Variants in CACNG5 observed in about 807,000 individuals in gnomAD.
The protein encoded by CACNG5 is calcium voltage-gated channel auxiliary subunit gamma 5, also known as voltage-dependent calcium channel gamma-5 subunit.
In CACNG5, 18 loss-of-function variants were observed where a neutral mutation model predicts 24.8. That is an observed-to-expected ratio of 0.73 (90% CI 0.50 to 1.08). The LOEUF (loss-of-function observed/expected upper bound fraction) is 1.08. Among genes scored for constraint, CACNG5 ranks in the 50% least tolerant of loss-of-function variants. The probability of loss-of-function intolerance (pLI) is 0.00; values close to 1 mark genes in which losing one functional copy is unlikely to be tolerated. For synonymous variants in CACNG5, 157 were observed against 149.1 expected (o/e 1.05, Z -0.39); for missense variants, 349 against 367.9 (o/e 0.95, Z 0.42).
chr17:66,862,573 T>A (rs889728457), intron 1 of CACNG5, among the ~76,000 whole-genome samples: 1 of 152,172 alleles, frequency 6.6e-6, no homozygotes, highest in Admixed American at 6.5e-5. Flanking sequence ...ACTTCCCACA[T>A]TGAGCATATG....
rs201122672 is a variant in CACNG5, at chr17:66,853,134, G to T, written c.-104+17884G>T. On this transcript the variant is annotated intron_variant, in intron 1 of 5. Coordinates refer to ENST00000533854, the MANE Select transcript of CACNG5 (RefSeq NM_145811.3). ...GAGCAACCATGCCCAGCTGTGTCTG[G>T]ACTCTCATTTGGCCTAATGCTTTCA... is the stretch of plus-strand genomic sequence containing the variant. Among the ~76,000 whole-genome samples, 6 of 152,116 alleles carry T rather than the reference G, an allele frequency of 3.9e-5. No individual in the cohort carries two copies. In the East Asian group the frequency reaches 1.2e-3, roughly 29 times the overall value.
In CACNG5 at chr17:66,884,614, T is replaced by C; in HGVS notation, c.523T>C (p.Tyr175His). ...KDAETYFNYK[Y>H]GWSFAFAAIS... Reference sequence around the variant, plus strand: ...TGCAGAGACCTACTTCAACTACAAGTATGGGTGGTCGTTTGCCTTCGCCGC... The same window carrying C: ...TGCAGAGACCTACTTCAACTACAAGCATGGGTGGTCGTTTGCCTTCGCCGC... The change falls in exon 5 of 6, where the codon TAT becomes CAT. Residue 175 changes from tyrosine (Y) to histidine (H), a missense_variant. Tyr to His is a moderately conservative substitution (Grantham distance 83, BLOSUM62 2). Transcript: ENST00000533854. 1 of 1,614,072 alleles carries C rather than the reference T, an allele frequency of 6.2e-7. No homozygotes were observed. The highest frequency in any genetic ancestry group is 8.5e-7 in the Non-Finnish European group (1 of 1,179,994).
rs1461744447 is a variant in CACNG5, at chr17:66,893,653, C to CCATTT, written c.*8414_*8418dup. Among the ~76,000 whole-genome samples the CCATTT allele has an allele frequency of 6.6e-6, 1 of 152,206 alleles. No homozygotes were observed. Among genetic ancestry groups the CCATTT allele is most frequent in the Non-Finnish European group, 1.5e-5 (1 of 68,040 alleles). On this transcript the variant is annotated 3_prime_UTR_variant, in exon 6 of 6. Transcript: ENST00000533854. ...CATGTCAGACTCTGGCCTCCAGATT[C>CCATTT]CATTTTCCTGGCTGACTCCCAGGGC...
chr17:66,844,696 C>G (rs201252009), intron 1 of CACNG5, among the ~76,000 whole-genome samples: 1 of 150,878 alleles, frequency 6.6e-6, no homozygotes, highest in Non-Finnish European at 1.5e-5. Flanking sequence ...ATGATGATGA[C>G]AAGTTCCTAC....
chr17:66,880,737 T>C, intron 4 of CACNG5, 40 bp downstream of exon 4: 1 of 1,598,338 alleles, frequency 6.3e-7, no homozygotes, highest in Non-Finnish European at 8.5e-7. Context: ...CCTGGAATTT[T>C]TTGTTTTTTG....
rs1301354139 is a variant in CACNG5, at chr17:66,889,534, A to G, written c.*4294A>G. Reference sequence around the variant, plus strand: ...AAAACAGAATCAACAGGATGAATATATAGAGAGAGAAAGATTTATTTTAAG... The same window carrying G: ...AAAACAGAATCAACAGGATGAATATGTAGAGAGAGAAAGATTTATTTTAAG... On this transcript the variant is annotated 3_prime_UTR_variant, in exon 6 of 6. Transcript: ENST00000533854. 2.0e-5 allele frequency among the ~76,000 whole-genome samples: 3 copies of G among 152,202 alleles called. No individual in the cohort carries two copies. In the East Asian group the frequency reaches 5.8e-4, roughly 29 times the overall value.
chr17:66,888,132 C>T lies in CACNG5; in HGVS notation c.*2892C>T, dbSNP rs1035901274. On this transcript the variant is annotated 3_prime_UTR_variant, in exon 6 of 6. Coordinates refer to ENST00000533854, the MANE Select transcript of CACNG5 (RefSeq NM_145811.3). ...ATAACTTGGGGTAATCAGCCATTAA[C>T]AGAGAACAATCTGACATTGGTTCCC... Among the ~76,000 whole-genome samples, 1 of 150,010 alleles carries T rather than the reference C, an allele frequency of 6.7e-6. No homozygotes were observed. The highest frequency in any genetic ancestry group is 2.5e-5 in the African/African-American group (1 of 40,734).
intron 4 of CACNG5, among the ~76,000 whole-genome samples, chr17:66,884,107 A>C (rs1208226569): frequency 1.3e-5 from 2 of 150,664 alleles, no homozygotes; most frequent in Non-Finnish European, 3.0e-5. Flanking sequence ...CCTCCAGCCT[A>C]GGCGACAAGA....
At chr17:66,882,154 A>G (rs28587238) in intron 4 of CACNG5, among the ~76,000 whole-genome samples, 7,251 of 152,148 alleles carry the variant, frequency 0.048, 582 homozygotes, top group African/African-American at 0.17. Flanking sequence ...GAGAGAAATG[A>G]GAGGGTTCAA....
At chr17:66,851,421 A>G (rs1283519089) in intron 1 of CACNG5, among the ~76,000 whole-genome samples, 1 of 152,248 alleles carries the variant, frequency 6.6e-6, no homozygotes, top group East Asian at 1.9e-4. Flanking sequence ...AATAAAAATT[A>G]CAGACCACAT....
intron 1 of CACNG5, among the ~76,000 whole-genome samples, chr17:66,837,871 T>C (rs1976502506): frequency 6.6e-6 from 1 of 151,022 alleles, no homozygotes; most frequent in African/African-American, 2.4e-5. Flanking sequence ...AGGAGAGGCT[T>C]GGGGCGAGGG....
chr17:66,865,633 CT>C (rs10707080), intron 1 of CACNG5, among the ~76,000 whole-genome samples: 77,633 of 137,330 alleles, frequency 0.57, 21,168 homozygotes, highest in East Asian at 0.78. Context: ...GACAAAATTT[CT>C]TTTTTTTTTT....
In CACNG5 at chr17:66,885,190, G is replaced by T; in HGVS notation, c.778G>T (p.Ala260Ser). The change falls in exon 6 of 6, where the codon GCC becomes TCC. Residue 260 changes from alanine to serine, a missense_variant. Transcript: ENST00000533854. ...CCTGCAGATGAACAGCAACTACCCC[G>T]CCTTGCTCAAGTGCCCCGACTATGA... ...ASLQMNSNYP[A>S]LLKCPDYDQM... is the part of the protein sequence containing the mutation. 2 of 1,608,154 alleles carry T rather than the reference G, an allele frequency of 1.2e-6. No individual in the cohort carries two copies. Among genetic ancestry groups the T allele is most frequent in the East Asian group, 2.2e-5 (1 of 44,852 alleles).
At chr17:66,852,323 G>T (rs552480375) in intron 1 of CACNG5, among the ~76,000 whole-genome samples, 1 of 152,202 alleles carries the variant, frequency 6.6e-6, no homozygotes, top group African/African-American at 2.4e-5. Flanking sequence ...GCTTGCAGGC[G>T]GCCTGTTGTG....
intron 1 of CACNG5, among the ~76,000 whole-genome samples, chr17:66,837,165 T>A (rs1387963730): frequency 6.6e-6 from 1 of 152,156 alleles, no homozygotes; most frequent in Non-Finnish European, 1.5e-5. Flanking sequence ...TCTGGGCTGG[T>A]GTTGTGGCCT....
At position 66,889,217 on chromosome 17, in the gene CACNG5, TC is replaced by T. The variant is rs373786564; in HGVS notation, c.*3980del. Among the ~76,000 whole-genome samples, 393 of 152,330 alleles carry T rather than the reference TC, an allele frequency of 2.6e-3. 2 individuals are homozygous for T. Among genetic ancestry groups the T allele is most frequent in the African/African-American group, 9.1e-3 (378 of 41,584 alleles). On this transcript the variant is annotated 3_prime_UTR_variant, in exon 6 of 6. Coordinates refer to ENST00000533854, the MANE Select transcript of CACNG5 (RefSeq NM_145811.3). ...CTCAAGTGATCCACCTGCCTTGGCCTCCCAAAGTGCTGGGATTACAGGCATG... is the reference window on the plus strand; with the variant it reads ...CTCAAGTGATCCACCTGCCTTGGCCTCCAAAGTGCTGGGATTACAGGCATG...
At position 66,850,597 on chromosome 17, in the gene CACNG5, C is replaced by CAT. The variant is rs570695903; in HGVS notation, c.-104+15349_-104+15350dup. ...ACATATATATATACATACACAAATA[C>CAT]ATACACACACACACACACACACACA... is the stretch of plus-strand genomic sequence containing the variant. On this transcript the variant is annotated intron_variant, in intron 1 of 5. Transcript: ENST00000533854. Among the ~76,000 whole-genome samples, 924 of 140,900 alleles carry CAT rather than the reference C, an allele frequency of 6.6e-3. 5 individuals are homozygous for CAT. Among genetic ancestry groups the CAT allele is most frequent in the East Asian group, 0.025 (126 of 5,052 alleles). 92.4% of individuals were successfully genotyped at this position (140,900 alleles called of 152,430 possible).
rs561313454 is a variant in CACNG5 at position 66,890,415 on chromosome 17, C to T, written c.*5175C>T. Among the ~76,000 whole-genome samples, 1 of 152,344 alleles carries T rather than the reference C, an allele frequency of 6.6e-6. No individual in the cohort carries two copies. The highest frequency in any genetic ancestry group is 2.1e-4 in the South Asian group (1 of 4,826). ...GTGCCCCTCTAGCATCCACGTCTCC[C>T]AGGACAGGTGCTAGGGCCTCATGTC... On this transcript the variant is annotated 3_prime_UTR_variant, in exon 6 of 6. Coordinates refer to ENST00000533854, the MANE Select transcript of CACNG5 (RefSeq NM_145811.3).
chr17:66,870,242 C>T (rs1366756990), intron 1 of CACNG5, among the ~76,000 whole-genome samples: 1 of 152,166 alleles, frequency 6.6e-6, no homozygotes, highest in African/African-American at 2.4e-5. Flanking sequence ...TTGGCTGGGG[C>T]TGCTGTTATC....
Sources: allele counts gnomAD v4.1 joint callset (sites outside exome capture counted in the v4.1 genomes callset), GRCh38; gene constraint gnomAD v4.1.1; transcripts MANE v1.5; gene names NCBI Gene and HGNC (gene_info 2026-07-23, HGNC 2026-07-21).